Variants in DIABLO observed in about 807,000 individuals in gnomAD.
The protein encoded by DIABLO is diablo homolog, mitochondrial.
DIABLO carries 32 observed loss-of-function variants against 31.7 expected under a neutral mutation model. The observed-to-expected ratio is 1.01, with a 90% CI of 0.76 to 1.35. DIABLO has a LOEUF of 1.35. Ranked by LOEUF, DIABLO falls within the 40% of genes most tolerant of loss-of-function variation. The probability of loss-of-function intolerance (pLI) is 0.00; values close to 1 mark genes in which losing one functional copy is unlikely to be tolerated. For missense variants in DIABLO, 316 were observed against 286.4 expected (o/e 1.10, Z -0.75); for synonymous variants, 132 against 103.2 (o/e 1.28, Z -1.69).
At chr12:122,226,607 C>T, upstream of DIABLO, 1 of 681,986 alleles carries the variant, frequency 1.5e-6, no homozygotes, top group East Asian at 2.8e-5. Flanking sequence ...GCCTGCCGGG[C>T]TGGCGCCGTC....
chr12:122,215,882 GGAAA>G (rs1328700208), intron 5 of DIABLO, among the ~76,000 whole-genome samples: 193 of 20,932 alleles, frequency 9.2e-3, no homozygotes, highest in African/African-American at 0.019. Flanking sequence ...ATTTTATGAA[GGAAA>G]AAAAAAAAAA....
chr12:122,211,363 C>G lies in DIABLO; in HGVS notation c.524-2786G>C, dbSNP rs980947725. Among the ~76,000 whole-genome samples the G allele has an allele frequency of 6.6e-5, 10 of 152,064 alleles. No individual in the cohort carries two copies. The South Asian group carries it at 8.3e-4, about 13-fold the overall frequency. ...ACGGTGAGCCAAGATCAAGGAACTG[C>G]ACTCCAACCCGGGTGACAGAGTGAG... is the stretch of plus-strand genomic sequence containing the variant. On this transcript the variant is annotated intron_variant, in intron 5 of 5. Transcript: ENST00000464942.
chr12:122,210,722 T>C (rs1248873531), intron 5 of DIABLO, among the ~76,000 whole-genome samples: 1 of 152,068 alleles, frequency 6.6e-6, no homozygotes, highest in Non-Finnish European at 1.5e-5. Context: ...CTTCCTTTTG[T>C]CACCTGGTAC....
intron 3 of DIABLO, 107 bp downstream of exon 3, chr12:122,218,159 G>T: frequency 7.6e-7 from 1 of 1,324,230 alleles, no homozygotes; most frequent in Non-Finnish European, 1.1e-6. Flanking sequence ...AAATAGGCCT[G>T]GCTATGTTTC....
rs1015881528 is a variant in DIABLO at position 122,218,333 on chromosome 12, T to A, written c.248A>T (p.Asp83Val). The A allele has an allele frequency of 1.9e-6, 3 of 1,614,000 alleles. No individual in the cohort carries two copies. In the Admixed American group the frequency reaches 5.0e-5, roughly 27 times the overall value. The change falls in exon 3 of 6, where the codon GAT becomes GTT. Residue 83 changes from aspartate (D) to valine (V), a missense_variant. By Grantham distance (152) the Asp-to-Val change is radical (BLOSUM62 -3). Coordinates refer to ENST00000464942, the MANE Select transcript of DIABLO (RefSeq NM_001371333.1). ...LMRRAVSLVT[D>V]STSTFLSQTT... The stretch of plus-strand genomic sequence containing the variant: ...CTGAGAGAGAAAGGTAGAGGTGCTA[T>A]CTGTTACCAAAGACACTGCTCTCCT...
chr12:122,219,329 T>C (rs1954285062), intron 2 of DIABLO, among the ~76,000 whole-genome samples: 1 of 152,168 alleles, frequency 6.6e-6, no homozygotes, highest in Non-Finnish European at 1.5e-5. Context: ...GTTAGATACT[T>C]GAGACGCAAG....
At chr12:122,221,913 G>A (rs1954342214) in intron 2 of DIABLO, 2 of 152,196 alleles carry the variant, frequency 1.3e-5, no homozygotes, top group African/African-American at 4.8e-5. Context: ...GGGGTTTTAG[G>A]GCTATGGATT....
chr12:122,221,638 T>A (rs1182729769), intron 2 of DIABLO: 1 of 152,042 alleles, frequency 6.6e-6, no homozygotes, highest in Admixed American at 6.6e-5. Flanking sequence ...CCTACAGTGA[T>A]CCTCCCACCT....
At chr12:122,225,635 G>A (rs1234088929) in intron 1 of DIABLO, 2 of 1,297,120 alleles carry the variant, frequency 1.5e-6, no homozygotes, top group Non-Finnish European at 2.0e-6. Context: ...CTCCCCCCAT[G>A]CCGTGTCCCT....
At chr12:122,225,373 G>A (rs1395258835) in intron 1 of DIABLO, 3 of 986,360 alleles carry the variant, frequency 3.0e-6, no homozygotes, top group Non-Finnish European at 3.6e-6. Flanking sequence ...GGCGACAGAG[G>A]CAGATCTTGT....
At position 122,208,268 on chromosome 12, in the gene DIABLO, C is replaced by A. The variant is rs1341643363; in HGVS notation, c.*113G>T. 1 of 1,287,942 alleles carries A rather than the reference C, an allele frequency of 7.8e-7. No homozygotes were observed. The highest frequency in any genetic ancestry group is 1.1e-6 in the Non-Finnish European group (1 of 904,952). The allele number at this position is 1,287,942 out of a possible 1,614,324, so 79.8% of individuals were successfully genotyped here. A position where few individuals can be genotyped will look rare whatever the true frequency, so the allele number is the denominator to read the frequency against. On this transcript the variant is annotated 3_prime_UTR_variant, in exon 6 of 6. Transcript: ENST00000464942. ...AGGCGTCTCGCCTGATTGGCCAGGG[C>A]AGGATCTGCCGCCTCTTCTCGGTGC...
chr12:122,209,620 G>A (rs1954032196), intron 5 of DIABLO: 3 of 620,218 alleles, frequency 4.8e-6, no homozygotes, highest in South Asian at 1.8e-5. Context: ...AGCTGAGATC[G>A]CGCCACTTCA....
At chr12:122,208,938 CA>C in intron 5 of DIABLO, 1 of 372,104 alleles carries the variant, frequency 2.7e-6, no homozygotes, top group Non-Finnish European at 5.2e-6. Flanking sequence ...ATAAAATTGT[CA>C]AAGATCCCTT....
chr12:122,210,882 T>TA (rs1021669680), intron 5 of DIABLO, among the ~76,000 whole-genome samples: 3 of 149,302 alleles, frequency 2.0e-5, no homozygotes, highest in African/African-American at 7.6e-5. Context: ...CTACTAAAAA[T>TA]AAAAAAATTA....
intron 2 of DIABLO, chr12:122,220,560 CAGG>C (rs1452241354): frequency 2.6e-5 from 4 of 152,194 alleles, no homozygotes; most frequent in African/African-American, 7.2e-5. Context: ...GAGGCTGAGG[CAGG>C]AGAATTGCCT....
intron 5 of DIABLO, among the ~76,000 whole-genome samples, chr12:122,210,077 A>G (rs1044842829): frequency 6.8e-4 from 103 of 152,138 alleles, no homozygotes; most frequent in African/African-American, 2.4e-3. Flanking sequence ...AGTTTTTTAC[A>G]GTGTTGAACT....
intron 5 of DIABLO, among the ~76,000 whole-genome samples, chr12:122,211,636 A>G (rs1954091075): frequency 6.6e-6 from 1 of 152,088 alleles, no homozygotes; most frequent in African/African-American, 2.4e-5. Context: ...AGCTGTGATC[A>G]TGCCATTACA....
upstream of DIABLO, chr12:122,226,696 C>T: frequency 1.7e-6 from 1 of 597,056 alleles, no homozygotes; most frequent in Non-Finnish European, 3.0e-6. Context: ...CAGTGCCGAC[C>T]TCCCCAACAG....
intron 2 of DIABLO, among the ~76,000 whole-genome samples, chr12:122,220,342 C>A (rs948183404): frequency 1.7e-4 from 26 of 152,130 alleles, no homozygotes; most frequent in Non-Finnish European, 7.4e-5. Context: ...ACTGTAATGA[C>A]ACATCCTCCC....
Sources: allele counts gnomAD v4.1 joint callset (sites outside exome capture counted in the v4.1 genomes callset), GRCh38; gene constraint gnomAD v4.1.1; transcripts MANE v1.5; gene names NCBI Gene and HGNC (gene_info 2026-07-23, HGNC 2026-07-21).